The following MAP2K6 variants were observed in gnomAD, a reference collection of about 807,000 sequenced individuals.
The protein encoded by MAP2K6 is mitogen-activated protein kinase kinase 6, also known as dual specificity mitogen-activated protein kinase kinase 6.
A neutral mutation model predicts 53.7 loss-of-function variants in MAP2K6; 16 were observed. The ratio of observed to expected loss-of-function variants is 0.30; its 90% confidence interval spans 0.20 to 0.45. MAP2K6 has a LOEUF of 0.45. Among genes scored for constraint, MAP2K6 ranks in the 20% least tolerant of loss-of-function variants. The pLI is 1.00. For missense variants in MAP2K6, 204 were observed against 411.9 expected (o/e 0.50, Z 4.37); for synonymous variants, 132 against 143.1 (o/e 0.92, Z 0.55).
intron 1 of MAP2K6, among the ~76,000 whole-genome samples, chr17:69,501,918 G>GT (rs11406039): frequency 0.19 from 24,063 of 129,044 alleles, 2,326 homozygotes; most frequent in East Asian, 0.29. Context: ...TCCCTCCCAT[G>GT]TTTTTTTTTT....
chr17:69,483,408 A>G (rs2145194009), intron 1 of MAP2K6, among the ~76,000 whole-genome samples: 1 of 152,224 alleles, frequency 6.6e-6, no homozygotes, highest in East Asian at 1.9e-4. Context: ...AAGAAATGCA[A>G]ATCTTATACT....
At chr17:69,533,576 C>T (rs1287978893) in intron 10 of MAP2K6, among the ~76,000 whole-genome samples, 1 of 152,048 alleles carries the variant, frequency 6.6e-6, no homozygotes, top group Non-Finnish European at 1.5e-5. Flanking sequence ...ATAGAGACAG[C>T]CAGAATCAAC....
chr17:69,417,377 G>C (rs1046698185), intron 1 of MAP2K6, among the ~76,000 whole-genome samples: 1 of 152,114 alleles, frequency 6.6e-6, no homozygotes, highest in African/African-American at 2.4e-5. Flanking sequence ...GAACTTTCTA[G>C]ATCACTATAA....
At chr17:69,476,196 C>T (rs557060786) in intron 1 of MAP2K6, among the ~76,000 whole-genome samples, 2 of 152,090 alleles carry the variant, frequency 1.3e-5, no homozygotes, top group African/African-American at 2.4e-5. Flanking sequence ...AGTATACATA[C>T]GGTCATATAT....
intron 1 of MAP2K6, among the ~76,000 whole-genome samples, chr17:69,420,606 G>A (rs977213321): frequency 2.0e-5 from 3 of 152,158 alleles, no homozygotes; most frequent in African/African-American, 7.2e-5. Flanking sequence ...GCTAACTGAG[G>A]CCTTGGAAGT....
intron 1 of MAP2K6, among the ~76,000 whole-genome samples, chr17:69,489,128 G>C (rs1908651381): frequency 6.6e-6 from 1 of 150,646 alleles, no homozygotes; most frequent in African/African-American, 2.4e-5. Flanking sequence ...GCTGAGGCAG[G>C]AGAATCACTT....
chr17:69,538,528 C>T (rs1311450399), intron 11 of MAP2K6, among the ~76,000 whole-genome samples: 2 of 152,222 alleles, frequency 1.3e-5, no homozygotes, highest in African/African-American at 4.8e-5. Context: ...TGAGTCCAAA[C>T]TCCCTGACTT....
chr17:69,509,404 A>G (rs1004646497), intron 2 of MAP2K6, among the ~76,000 whole-genome samples: 7 of 152,162 alleles, frequency 4.6e-5, no homozygotes, highest in African/African-American at 1.7e-4. Flanking sequence ...GTTCATTGTC[A>G]GTATATAGAA....
intron 5 of MAP2K6, 107 bp downstream of exon 5, chr17:69,519,539 C>A: frequency 7.2e-7 from 1 of 1,387,792 alleles, no homozygotes; most frequent in South Asian, 1.3e-5. Flanking sequence ...TTGTTTGACA[C>A]ATCTTGTATA....
chr17:69,458,428 A>G (rs1907498992), intron 1 of MAP2K6, among the ~76,000 whole-genome samples: 1 of 152,336 alleles, frequency 6.6e-6, no homozygotes, highest in Admixed American at 6.5e-5. Context: ...GGGGAGGGCC[A>G]CTGTATTTTA....
intron 1 of MAP2K6, among the ~76,000 whole-genome samples, chr17:69,422,315 AGAG>A (rs1906116468): frequency 6.6e-6 from 1 of 151,736 alleles, no homozygotes; most frequent in South Asian, 2.1e-4. Context: ...TATTTTTAGT[AGAG>A]ACAGGGATTC....
chr17:69,524,898 C>A lies in MAP2K6; in HGVS notation c.664-3C>A. 1 of 1,608,286 alleles carries A rather than the reference C, an allele frequency of 6.2e-7. No individual in the cohort carries two copies. The highest frequency in any genetic ancestry group is 1.1e-5 in the South Asian group (1 of 90,948). ...GTTTCTCAGTTGTCTGTCTTCTTTC[C>A]AGCCTGAAAGAATAAACCCAGAGCT... On this transcript the variant is annotated splice_region_variant and splice_polypyrimidine_tract_variant and intron_variant, in intron 8 of 11. Transcript: ENST00000590474.
At chr17:69,469,364 A>G (rs963489909) in intron 1 of MAP2K6, among the ~76,000 whole-genome samples, 2 of 152,216 alleles carry the variant, frequency 1.3e-5, no homozygotes, top group Non-Finnish European at 2.9e-5. Context: ...TCGTTTTGTC[A>G]TGGAAGGTAA....
chr17:69,498,353 A>G (rs12948059), intron 1 of MAP2K6, among the ~76,000 whole-genome samples: 30,451 of 152,086 alleles, frequency 0.2, 3,206 homozygotes, highest in African/African-American at 0.26. Context: ...GGGCTACTTA[A>G]CTGTGGCTGA....
At chr17:69,511,793 G>A (rs1019709478) in intron 2 of MAP2K6, among the ~76,000 whole-genome samples, 28 of 152,138 alleles carry the variant, frequency 1.8e-4, no homozygotes, top group Non-Finnish European at 2.9e-5. Flanking sequence ...ACCTAACTGC[G>A]CTAAGCCTTA....
chr17:69,437,384 AAGG>A (rs923040779), intron 1 of MAP2K6, among the ~76,000 whole-genome samples: 1 of 152,086 alleles, frequency 6.6e-6, no homozygotes, highest in African/African-American at 2.4e-5. Context: ...TGAGTAGGCT[AAGG>A]AGGAGGAGGA....
intron 1 of MAP2K6, among the ~76,000 whole-genome samples, chr17:69,479,718 T>A (rs1908280980): frequency 6.8e-6 from 1 of 147,808 alleles, no homozygotes; most frequent in South Asian, 2.1e-4. Flanking sequence ...TTCCTTTTGT[T>A]CTTTTTTTTT....
rs1911724708 is a variant in MAP2K6 at position 69,543,162 on chromosome 17, A to G, written c.*1409A>G. ...TCAAGGAGTGAAGTAATTGACAGGG[A>G]AAATATAGACCTATGATAAATAACC... On this transcript the variant is annotated 3_prime_UTR_variant, in exon 12 of 12. Transcript: ENST00000590474. The G allele has an allele frequency of 6.6e-6, 1 of 152,162 alleles. No individual in the cohort carries two copies. The highest frequency in any genetic ancestry group is 6.5e-5 in the Admixed American group (1 of 15,280). 9.4% of individuals were successfully genotyped at this position (152,162 alleles called of 1,614,324 possible).
At chr17:69,438,918 G>C (rs1021540081) in intron 1 of MAP2K6, among the ~76,000 whole-genome samples, 2 of 152,134 alleles carry the variant, frequency 1.3e-5, no homozygotes, top group Non-Finnish European at 2.9e-5. Context: ...CGAGTCAAAA[G>C]AATATTTTAT....
Sources: allele counts gnomAD v4.1 joint callset (sites outside exome capture counted in the v4.1 genomes callset), GRCh38; gene constraint gnomAD v4.1.1; transcripts MANE v1.5; gene names NCBI Gene and HGNC (gene_info 2026-07-23, HGNC 2026-07-21).